The following EP400 variants were observed in gnomAD, a reference collection of about 807,000 sequenced individuals.
EP400 encodes E1A-binding protein p400.
A neutral mutation model predicts 354.1 loss-of-function variants in EP400; 105 were observed. The ratio of observed to expected loss-of-function variants is 0.30; its 90% confidence interval spans 0.25 to 0.35. The LOEUF (loss-of-function observed/expected upper bound fraction) is 0.35. Ranked by LOEUF, EP400 falls within the 10% of genes least tolerant of loss-of-function variation. The pLI is 1.00. For missense variants in EP400, 3,280 were observed against 4,121.0 expected (o/e 0.80, Z 5.59); for synonymous variants, 1,646 against 1,716.9 (o/e 0.96, Z 1.02).
At chr12:132,030,528 G>C (rs1172095253) in intron 29 of EP400, among the ~76,000 whole-genome samples, 1 of 152,176 alleles carries the variant, frequency 6.6e-6, no homozygotes, top group Non-Finnish European at 1.5e-5. Flanking sequence ...ATTTGCCAAG[G>C]CTGTTTTGTT....
In EP400 at chr12:131,982,209, C is replaced by T. The variant is rs144769358; in HGVS notation, c.1660C>T (p.Leu554=). Residue 554 remains leucine (L), a synonymous_variant, in exon 5 of 53, where the codon CTG becomes TTG. Coordinates refer to ENST00000389561, the MANE Select transcript of EP400 (RefSeq NM_015409.5). ...VQNAASLHTP[L]PQLPGRLPPA... is the part of the protein sequence containing the mutation. ...GAACGCTGCCAGCTTGCACACCCCA[C>T]TGCCGCAGCTGCCCGGGAGGCTGCC... 11 of 1,613,766 alleles carry T rather than the reference C, an allele frequency of 6.8e-6. No individual in the cohort carries two copies. The highest frequency in any genetic ancestry group is 8.5e-6 in the Non-Finnish European group (10 of 1,179,954).
intron 48 of EP400, 59 bp downstream of exon 48, chr12:132,064,945 C>T: frequency 6.5e-7 from 1 of 1,533,192 alleles, no homozygotes; most frequent in Non-Finnish European, 8.8e-7. Context: ...TTTAACACAG[C>T]TGTTGCGCTT....
chr12:132,045,064 G>A (rs934416925), intron 37 of EP400, 111 bp downstream of exon 37: 1 of 1,475,262 alleles, frequency 6.8e-7, no homozygotes, highest in African/African-American at 1.4e-5. Context: ...GTCTGCTGCA[G>A]GGCTAGCGAT....
chr12:132,036,603 C>A (rs1310761314), intron 30 of EP400, among the ~76,000 whole-genome samples: 56 of 152,286 alleles, frequency 3.7e-4, no homozygotes. Flanking sequence ...CACACTGTCA[C>A]ACGTGCAGCA....
At chr12:132,065,552 C>T (rs1160810185) in intron 48 of EP400, 2 of 152,378 alleles carry the variant, frequency 1.3e-5, no homozygotes, top group South Asian at 4.1e-4. Flanking sequence ...AAGGGTCTTA[C>T]TATTAATTCC....
At chr12:131,950,306 G>A (rs1425663410) in intron 1 of EP400, among the ~76,000 whole-genome samples, 1 of 152,152 alleles carries the variant, frequency 6.6e-6, no homozygotes, top group East Asian at 1.9e-4. Context: ...GGCCCCCCGG[G>A]CTCCTGGGCT....
chr12:132,033,421 CCT>C (rs1438414141), intron 30 of EP400, among the ~76,000 whole-genome samples: 3 of 152,138 alleles, frequency 2.0e-5, no homozygotes, highest in African/African-American at 7.2e-5. Context: ...CCTGGGCTCA[CCT>C]CTCATGGTGA....
At chr12:132,003,011 A>T (rs1474662090) in intron 12 of EP400, among the ~76,000 whole-genome samples, 1 of 152,198 alleles carries the variant, frequency 6.6e-6, no homozygotes, top group Non-Finnish European at 1.5e-5. Flanking sequence ...AACTACAGAT[A>T]GAAAATATTT....
chr12:131,953,941 C>T lies in EP400; in HGVS notation c.-36+3905C>T, dbSNP rs144622699. On this transcript the variant is annotated intron_variant, in intron 1 of 52. Transcript: ENST00000389561. ...CACCCTGGCCAACGTGGTGAAACTC[C>T]GTCTGTACTAAAAATACAAAAATTA... is the stretch of plus-strand genomic sequence containing the variant. Among the ~76,000 whole-genome samples the T allele has an allele frequency of 1.5e-3, 235 of 151,840 alleles. 2 individuals are homozygous for T. The highest frequency in any genetic ancestry group is 5.4e-3 in the African/African-American group (222 of 41,392).
intron 30 of EP400, among the ~76,000 whole-genome samples, chr12:132,033,051 G>C (rs1029775257): frequency 3.3e-5 from 5 of 151,930 alleles, no homozygotes; most frequent in Non-Finnish European, 7.4e-5. Context: ...GGGTTCAAGC[G>C]ATTCTTCCGC....
chr12:131,985,318 C>T (rs892356089), intron 5 of EP400, among the ~76,000 whole-genome samples: 12 of 152,256 alleles, frequency 7.9e-5, no homozygotes, highest in Non-Finnish European at 1.5e-4. Flanking sequence ...CAGCCGCTCA[C>T]GGACAGCACG....
In EP400 at chr12:132,075,021, C is replaced by G. The variant is rs1896188929; in HGVS notation, c.9022-1495C>G. 6.6e-6 allele frequency among the ~76,000 whole-genome samples: 1 copy of G among 152,176 alleles called. No individual in the cohort carries two copies. The highest frequency in any genetic ancestry group is 1.5e-5 in the Non-Finnish European group (1 of 68,042). ...GCTTGGTGTGTGGCTCAGGCTTTCACTCAGCTCTCAGGTGTTACCCACCTG... is the reference window on the plus strand; with the variant it reads ...GCTTGGTGTGTGGCTCAGGCTTTCAGTCAGCTCTCAGGTGTTACCCACCTG... On this transcript the variant is annotated intron_variant, in intron 51 of 52. Coordinates refer to ENST00000389561, the MANE Select transcript of EP400 (RefSeq NM_015409.5). The surrounding 1 kb of genome is among the most constrained non-coding windows in gnomAD (Gnocchi z 4.5).
chr12:132,078,462 T>C lies in EP400; in HGVS notation c.*789T>C, dbSNP rs1127023. 0.16 allele frequency: 24,875 copies of C among 152,264 alleles called. 3,381 individuals are homozygous for C. The highest frequency in any genetic ancestry group is 0.37 in the African/African-American group (15,387 of 41,512). 9.4% of individuals were successfully genotyped at this position (152,264 alleles called of 1,614,324 possible). A position where few individuals can be genotyped will look rare whatever the true frequency, so the allele number is the denominator to read the frequency against. Reference sequence around the variant, plus strand: ...CAGTGCACTCAAGACGCATCTCCAGTTTTCGGGGGAAGCTGGTATTTGACA... The same window carrying C: ...CAGTGCACTCAAGACGCATCTCCAGCTTTCGGGGGAAGCTGGTATTTGACA... On this transcript the variant is annotated 3_prime_UTR_variant, in exon 53 of 53. Transcript: ENST00000389561.
At chr12:132,043,070 A>C (rs1894967879) in intron 32 of EP400, among the ~76,000 whole-genome samples, 1 of 152,124 alleles carries the variant, frequency 6.6e-6, no homozygotes, top group South Asian at 2.1e-4. Context: ...TGCCTGTCCA[A>C]CTCGATAGTA....
In EP400 at chr12:132,032,010, C is replaced by CA. The variant is rs1894526435; in HGVS notation, c.5813dup (p.His1938GlnfsTer19). The CA allele has an allele frequency of 6.2e-7, 1 of 1,614,002 alleles. No individual in the cohort carries two copies. The highest frequency in any genetic ancestry group is 1.3e-5 in the African/African-American group (1 of 74,926). On this transcript the variant is annotated frameshift_variant, in exon 30 of 53. Transcript: ENST00000389561. LOFTEE classifies it high-confidence loss of function. ...GATTTTTTGTGCCATTCTCTCCACT[C>CA]ACAGCCGTACCACAGGTATAAACCT...
rs143790626 is a variant in EP400, at chr12:132,058,430, C to T, written c.7884+3222C>T. Among the ~76,000 whole-genome samples the T allele has an allele frequency of 9.2e-3, 1,393 of 150,894 alleles. 15 individuals carry two copies. The highest frequency in any genetic ancestry group is 0.033 in the African/African-American group (1,335 of 40,828). ...AGTGCAGTGGTGCGATCTCGGCTCA[C>T]TGCAACCTCCGCCTCCTGGGTTCAG... On this transcript the variant is annotated intron_variant, in intron 45 of 52. Coordinates refer to ENST00000389561, the MANE Select transcript of EP400 (RefSeq NM_015409.5).
chr12:132,042,641 A>G (rs1894953037), intron 32 of EP400, among the ~76,000 whole-genome samples: 1 of 152,196 alleles, frequency 6.6e-6, no homozygotes, highest in Non-Finnish European at 1.5e-5. Flanking sequence ...AGATTGTACC[A>G]GTTTTTAATT....
At chr12:132,005,816 G>A (rs1047927233) in intron 13 of EP400, among the ~76,000 whole-genome samples, 1 of 152,116 alleles carries the variant, frequency 6.6e-6, no homozygotes. Context: ...GTATCTCTCT[G>A]TGATACCAGC....
Position 132,006,881 on chromosome 12 carries a change from A to G in EP400, c.3304+4A>G, listed in dbSNP as rs1893598874. On this transcript the variant is annotated splice_donor_region_variant and intron_variant, in intron 15 of 52. Coordinates refer to ENST00000389561, the MANE Select transcript of EP400 (RefSeq NM_015409.5). ...GCCCACCTAGCTTGTAACGAAGGTA[A>G]GAGTTTGCTAGTTTTTTTAACAATA... 1 of 1,613,678 alleles carries G rather than the reference A, an allele frequency of 6.2e-7. No individual in the cohort carries two copies. Among genetic ancestry groups the G allele is most frequent in the African/African-American group, 1.3e-5 (1 of 74,888 alleles).
Sources: gnomAD v4.1 joint callset for allele counts (sites outside exome capture counted in the v4.1 genomes callset) on GRCh38, gnomAD v4.1.1 for gene constraint, Gnocchi (gnomAD v3.1) non-coding constraint, MANE v1.5 for transcripts, NCBI Gene and HGNC (gene_info 2026-07-23, HGNC 2026-07-21) for gene names.